RNF169: variants seen among roughly 807,000 people sequenced by gnomAD.
RNF169 encodes E3 ubiquitin-protein ligase RNF169.
Under a neutral mutation model 53.9 loss-of-function variants are expected in RNF169, and 24 were observed. That is an observed-to-expected ratio of 0.45 (90% CI 0.32 to 0.63). RNF169 has a LOEUF of 0.63. Ranked by LOEUF, RNF169 falls within the 20% of genes least tolerant of loss-of-function variation. The pLI, the probability that RNF169 is intolerant of heterozygous loss-of-function variation, is 0.04. For missense variants in RNF169, 883 were observed against 906.2 expected, an observed-to-expected ratio of 0.97 and a Z score of 0.33; for synonymous variants, 396 against 363.5, an observed-to-expected ratio of 1.09 and a Z score of -1.02.
At chr11:74,780,151 A>G (rs566657425) in intron 1 of RNF169, among the ~76,000 whole-genome samples, 5 of 152,256 alleles carry the variant, frequency 3.3e-5, no homozygotes, top group East Asian at 3.9e-4. Flanking sequence ...TTGACATTCT[A>G]TAGTTGTTTC....
At chr11:74,783,242 G>T (rs374429450) in intron 1 of RNF169, among the ~76,000 whole-genome samples, 150 of 142,348 alleles carry the variant, frequency 1.1e-3, no homozygotes, top group African/African-American at 3.2e-3. Flanking sequence ...AGTTTGTTTT[G>T]TTTTTTTTTT....
chr11:74,802,664 T>TA (rs879310515), intron 2 of RNF169, among the ~76,000 whole-genome samples: 2 of 152,068 alleles, frequency 1.3e-5, no homozygotes, highest in Non-Finnish European at 2.9e-5. Context: ...AGTCCAATCT[T>TA]ACTTCAACAG....
chr11:74,789,175 AGGT>A (rs1415304591), intron 1 of RNF169, among the ~76,000 whole-genome samples: 1 of 152,196 alleles, frequency 6.6e-6, no homozygotes, highest in Non-Finnish European at 1.5e-5. Context: ...TATTTGCCTT[AGGT>A]CCAGTGTTTC....
intron 1 of RNF169, among the ~76,000 whole-genome samples, chr11:74,756,934 A>G (rs1231503632): frequency 6.6e-6 from 1 of 152,212 alleles, no homozygotes; most frequent in Non-Finnish European, 1.5e-5. Context: ...CTTTTTAGCA[A>G]GATGGCTAAA....
intron 1 of RNF169, among the ~76,000 whole-genome samples, chr11:74,780,711 A>G (rs1565175332): frequency 6.6e-6 from 1 of 152,246 alleles, no homozygotes; most frequent in Non-Finnish European, 1.5e-5. Context: ...AGCAGATTGT[A>G]GCAGACAAAA....
intron 1 of RNF169, among the ~76,000 whole-genome samples, chr11:74,780,385 C>T (rs1441865630): frequency 1.3e-5 from 2 of 152,214 alleles, no homozygotes; most frequent in Non-Finnish European, 2.9e-5. Flanking sequence ...CTATTCCAGT[C>T]TATCTGACAC....
rs1292977814 is a variant in RNF169 at position 74,836,687 on chromosome 11, A to C, written c.2084A>C (p.Asp695Ala). ...GTGAGCCGGCGAAAAGGAAGTGTGG[A>C]TCAGTATCTCCTACGGTCCAGCAAC... Reference protein sequence around the residue: ...RTVSRRKGSVDQYLLRSSNMA... With the variant: ...RTVSRRKGSVAQYLLRSSNMA... Residue 695 changes from aspartate to alanine, a missense_variant, in exon 6 of 6, where the codon GAT (aspartate) becomes GCT (alanine). This residue lies in a region of RNF169 where 351 missense variants were observed against 337.3 expected (regional missense o/e 1.04). Transcript: ENST00000299563. 5 of 1,613,126 alleles carry C rather than the reference A, an allele frequency of 3.1e-6. No individual in the cohort carries two copies. The African/African-American group carries it at 4.0e-5, about 13-fold the overall frequency.
Position 74,836,788 on chromosome 11 carries a change from A to G in RNF169, c.*58A>G. 7.6e-7 allele frequency: 1 copy of G among 1,323,158 alleles called. No individual in the cohort carries two copies. The highest frequency in any genetic ancestry group is 1.0e-6 in the Non-Finnish European group (1 of 961,146). The allele number at this position is 1,323,158 out of a possible 1,614,324, so 82.0% of individuals were successfully genotyped here. A position where few individuals can be genotyped will look rare whatever the true frequency, so the allele number is the denominator to read the frequency against. On this transcript the variant is annotated 3_prime_UTR_variant, in exon 6 of 6. Transcript: ENST00000299563. ...TCTTAGGCCTTGATCATTTATCCTGAAGAGCTGAGTGTTCTCACTTTGGTT... is the reference window on the plus strand; with the variant it reads ...TCTTAGGCCTTGATCATTTATCCTGGAGAGCTGAGTGTTCTCACTTTGGTT...
At chr11:74,824,992 A>C (rs779411500) in intron 4 of RNF169, among the ~76,000 whole-genome samples, 9 of 152,236 alleles carry the variant, frequency 5.9e-5, no homozygotes, top group Non-Finnish European at 1.3e-4. Flanking sequence ...AGACAGAAAT[A>C]GGTTGATAGT....
chr11:74,797,024 T>C (rs2035659057), intron 2 of RNF169, among the ~76,000 whole-genome samples: 1 of 152,126 alleles, frequency 6.6e-6, no homozygotes. Flanking sequence ...GGCCTTCTGG[T>C]TCATTTTCAA....
At chr11:74,769,386 T>C (rs779323755) in intron 1 of RNF169, among the ~76,000 whole-genome samples, 1 of 152,144 alleles carries the variant, frequency 6.6e-6, no homozygotes, top group Non-Finnish European at 1.5e-5. Context: ...GCTGGAGGAG[T>C]ATAAGTTGCC....
intron 1 of RNF169, among the ~76,000 whole-genome samples, chr11:74,749,882 G>A (rs2034859184): frequency 6.6e-6 from 1 of 152,168 alleles, no homozygotes; most frequent in Non-Finnish European, 1.5e-5. Context: ...GGGGTTGGGA[G>A]CACACTTGTG....
intron 2 of RNF169, among the ~76,000 whole-genome samples, chr11:74,790,606 C>G (rs2035565658): frequency 6.6e-6 from 1 of 152,328 alleles, no homozygotes; most frequent in East Asian, 1.9e-4. Flanking sequence ...GGATCTCACA[C>G]CTGCTAAAGG....
intron 1 of RNF169, among the ~76,000 whole-genome samples, chr11:74,752,595 C>CA (rs371908528): frequency 0.33 from 37,052 of 111,636 alleles, 4,930 homozygotes; most frequent in South Asian, 0.47. Context: ...GACTCTGTCT[C>CA]AAAAAAAAAA....
Position 74,838,195 on chromosome 11 carries a change from C to T in RNF169, c.*1465C>T, listed in dbSNP as rs926057758. 9 of 152,224 alleles carry T rather than the reference C, an allele frequency of 5.9e-5. No individual in the cohort carries two copies. Among genetic ancestry groups the T allele is most frequent in the African/African-American group, 2.2e-4 (9 of 41,452 alleles). 9.4% of individuals were successfully genotyped at this position (152,224 alleles called of 1,614,324 possible). A position where few individuals can be genotyped will look rare whatever the true frequency, so the allele number is the denominator to read the frequency against. On this transcript the variant is annotated 3_prime_UTR_variant, in exon 6 of 6. Transcript: ENST00000299563. ...CTTAATGGTTATCTATTCCAGCCTC[C>T]TCCTAAGGTCCTCCTCAGCTTCTAG...
rs140848727 is a variant in RNF169 at position 74,788,302 on chromosome 11, A to AACACACAC, written c.503-1309_503-1302dup. 3.8e-3 allele frequency among the ~76,000 whole-genome samples: 569 copies of AACACACAC among 150,222 alleles called. 2 individuals are homozygous for AACACACAC. Among genetic ancestry groups the AACACACAC allele is most frequent in the African/African-American group, 0.013 (540 of 41,084 alleles). On this transcript the variant is annotated intron_variant, in intron 1 of 5. Coordinates refer to ENST00000299563, the MANE Select transcript of RNF169 (RefSeq NM_001098638.2). Reference sequence around the variant, plus strand: ...GGGGGTTTATATATACATAAACATAAACACACACACACACACACACACGAC... The same window carrying AACACACAC: ...GGGGGTTTATATATACATAAACATAAACACACACACACACACACACACACACACACGAC...
At chr11:74,775,923 C>T (rs502225) in intron 1 of RNF169, among the ~76,000 whole-genome samples, 93,934 of 151,946 alleles carry the variant, frequency 0.62, 30,436 homozygotes, top group East Asian at 0.81. Flanking sequence ...TCAGTAAATA[C>T]TTAATGAAGG....
intron 4 of RNF169, among the ~76,000 whole-genome samples, chr11:74,823,501 T>C (rs191802995): frequency 0.013 from 1,942 of 152,132 alleles, 48 homozygotes; most frequent in African/African-American, 0.044. Context: ...TTTGGGAGGC[T>C]GAGGTGGGAG....
intron 2 of RNF169, chr11:74,808,048 C>G (rs1255426612): frequency 6.6e-6 from 1 of 152,022 alleles, no homozygotes; most frequent in East Asian, 1.9e-4. Context: ...AGTGCGTTGT[C>G]AAAAACTTTG....
Sources: allele counts gnomAD v4.1 joint callset (sites outside exome capture counted in the v4.1 genomes callset), GRCh38; gene constraint gnomAD v4.1.1; regional missense constraint gnomAD v4.1.1; transcripts MANE v1.5; gene names NCBI Gene and HGNC (gene_info 2026-07-23, HGNC 2026-07-21).